SORCS3: variants seen among roughly 807,000 people sequenced by gnomAD.
SORCS3 encodes sortilin related VPS10 domain containing receptor 3.
SORCS3 carries 57 observed loss-of-function variants against 146.3 expected under a neutral mutation model. The observed-to-expected ratio is 0.39, with a 90% CI of 0.31 to 0.49. The LOEUF is 0.49. Among genes scored for constraint, SORCS3 ranks in the 20% least tolerant of loss-of-function variants. The pLI is 0.92. For missense variants in SORCS3, 1,341 were observed against 1,575.5 expected (o/e 0.85, Z 2.52); for synonymous variants, 653 against 618.5 (o/e 1.06, Z -0.83).
In SORCS3 at chr10:105,238,234, T is replaced by C. The variant is rs543807836; in HGVS notation, c.2869-7308T>C. On this transcript the variant is annotated intron_variant, in intron 20 of 26. Transcript: ENST00000369701. ...ATCTTTTTTAAGAGCCTGTCGTTTG[T>C]GCTACATGTTGTGTGGAATGCAAAG... 3.3e-5 allele frequency among the ~76,000 whole-genome samples: 5 copies of C among 152,350 alleles called. No individual in the cohort carries two copies. The South Asian group carries it at 8.3e-4, about 25-fold the overall frequency.
intron 4 of SORCS3, among the ~76,000 whole-genome samples, chr10:105,018,521 A>C (rs986715142): frequency 6.6e-6 from 1 of 152,250 alleles, no homozygotes; most frequent in Non-Finnish European, 1.5e-5. Context: ...AAGTTGGCAT[A>C]GGGCAGGAAA....
intron 1 of SORCS3, among the ~76,000 whole-genome samples, chr10:104,717,386 T>C (rs1337991853): frequency 1.3e-5 from 2 of 151,296 alleles, no homozygotes; most frequent in Admixed American, 6.6e-5. Flanking sequence ...CTCCTTCAGG[T>C]TTCCTTCTGT....
At chr10:105,157,723 T>A (rs1288858899) in intron 10 of SORCS3, among the ~76,000 whole-genome samples, 1 of 152,176 alleles carries the variant, frequency 6.6e-6, no homozygotes, top group East Asian at 1.9e-4. Context: ...AGTTAATCTA[T>A]CAGCATTTCC....
chr10:105,157,183 G>A lies in SORCS3; in HGVS notation c.1528G>A (p.Asp510Asn), dbSNP rs62620040. 1.9e-3 allele frequency: 3,008 copies of A among 1,613,976 alleles called. 63 individuals carry two copies. The African/African-American group carries it at 0.035, about 19-fold the overall frequency. The change falls in exon 10 of 27, where the codon GAC (aspartate) becomes AAC (asparagine). Residue 510 changes from aspartate to asparagine, a missense_variant. Transcript: ENST00000369701. ...GIFLANKKVD[D>N]QVKTYITYNK... Reference sequence around the variant, plus strand: ...ATTTCTGGCAAACAAGAAGGTGGACGACCAGGTGAAGACATACATCACTTA... The same window carrying A: ...ATTTCTGGCAAACAAGAAGGTGGACAACCAGGTGAAGACATACATCACTTA...
chr10:104,783,103 G>C (rs2017393186), intron 1 of SORCS3, among the ~76,000 whole-genome samples: 1 of 152,118 alleles, frequency 6.6e-6, no homozygotes, highest in Admixed American at 6.5e-5. Context: ...AATTCACTTT[G>C]CGTGGAATGA....
chr10:105,027,203 C>A (rs1192217255), intron 4 of SORCS3, among the ~76,000 whole-genome samples: 3 of 152,132 alleles, frequency 2.0e-5, no homozygotes, highest in African/African-American at 7.2e-5. Flanking sequence ...ACATCACCTG[C>A]CCTTTCATTT....
At chr10:105,042,808 A>G (rs1379918930) in intron 4 of SORCS3, among the ~76,000 whole-genome samples, 1 of 152,184 alleles carries the variant, frequency 6.6e-6, no homozygotes, top group Non-Finnish European at 1.5e-5. Flanking sequence ...GGAGACAGTG[A>G]TGGCCATCAG....
In SORCS3 at chr10:105,264,440, C is replaced by G. The variant is rs1426736837; in HGVS notation, c.*1066C>G. The G allele has an allele frequency of 6.6e-6, 1 of 152,196 alleles. No homozygotes were observed. Among genetic ancestry groups the G allele is most frequent in the Non-Finnish European group, 1.5e-5 (1 of 68,034 alleles). The allele number at this position is 152,196 out of a possible 1,614,324, so 9.4% of individuals were successfully genotyped here. On this transcript the variant is annotated 3_prime_UTR_variant, in exon 27 of 27. Coordinates refer to ENST00000369701, the MANE Select transcript of SORCS3 (RefSeq NM_014978.3). ...AAATGCATAATGCTTATGGTGAATT[C>G]TCAGGCTATTCTGAGCTCAGAAAAG...
chr10:104,660,079 C>A (rs1426292610), intron 1 of SORCS3, among the ~76,000 whole-genome samples: 1 of 152,056 alleles, frequency 6.6e-6, no homozygotes, highest in Non-Finnish European at 1.5e-5. Context: ...CAGCTCCAGC[C>A]CGATTTAAAT....
intron 2 of SORCS3, among the ~76,000 whole-genome samples, chr10:104,846,747 T>C (rs10786825): frequency 0.62 from 93,831 of 152,146 alleles, 32,128 homozygotes; most frequent in East Asian, 0.84. Context: ...TGTAAATTTG[T>C]CGTTTAGCAC....
At chr10:105,143,768 T>A (rs2056111641) in intron 8 of SORCS3, among the ~76,000 whole-genome samples, 1 of 152,186 alleles carries the variant, frequency 6.6e-6, no homozygotes, top group African/African-American at 2.4e-5. Context: ...GTTTCATAAA[T>A]CACGTTATCT....
intron 2 of SORCS3, among the ~76,000 whole-genome samples, chr10:104,894,832 G>A (rs2018783291): frequency 6.6e-6 from 1 of 152,130 alleles, no homozygotes; most frequent in Non-Finnish European, 1.5e-5. Flanking sequence ...AATGATGATG[G>A]GAGAAGTGAC....
intron 1 of SORCS3, among the ~76,000 whole-genome samples, chr10:104,778,375 C>T (rs1428423396): frequency 6.6e-6 from 1 of 152,170 alleles, no homozygotes; most frequent in Non-Finnish European, 1.5e-5. Context: ...GATTCAGGTG[C>T]AGTGTTGGTT....
At chr10:105,054,561 A>T (rs2055433853) in intron 5 of SORCS3, among the ~76,000 whole-genome samples, 1 of 151,544 alleles carries the variant, frequency 6.6e-6, no homozygotes, top group South Asian at 2.1e-4. Flanking sequence ...TTTAAGATTT[A>T]TAGGATTTCT....
At chr10:104,955,765 G>A (rs1029506791) in intron 3 of SORCS3, among the ~76,000 whole-genome samples, 3 of 152,150 alleles carry the variant, frequency 2.0e-5, no homozygotes, top group Non-Finnish European at 2.9e-5. Context: ...TGACCTGGGG[G>A]CTTCTTCTGG....
intron 7 of SORCS3, among the ~76,000 whole-genome samples, chr10:105,139,123 G>A (rs1335420403): frequency 6.6e-6 from 1 of 152,248 alleles, no homozygotes; most frequent in Non-Finnish European, 1.5e-5. Context: ...TATGTGCCAT[G>A]TGCAGAGCAC....
At chr10:104,731,251 A>G (rs2016703862) in intron 1 of SORCS3, among the ~76,000 whole-genome samples, 2 of 152,190 alleles carry the variant, frequency 1.3e-5, no homozygotes, top group African/African-American at 2.4e-5. Flanking sequence ...TATGCTCCAG[A>G]CAGCTACTTC....
intron 1 of SORCS3, among the ~76,000 whole-genome samples, chr10:104,794,678 A>G (rs909092802): frequency 7.2e-5 from 11 of 151,834 alleles, no homozygotes; most frequent in Non-Finnish European, 1.3e-4. Context: ...CCAGCATAGT[A>G]GAAAAGGAAG....
chr10:105,032,051 G>T (rs1049364741), intron 4 of SORCS3, among the ~76,000 whole-genome samples: 3 of 152,140 alleles, frequency 2.0e-5, no homozygotes, highest in Admixed American at 1.3e-4. Context: ...AATGAGCCAG[G>T]TGTGGTAGCA....
Sources: allele counts gnomAD v4.1 joint callset (sites outside exome capture counted in the v4.1 genomes callset), GRCh38; gene constraint gnomAD v4.1.1; transcripts MANE v1.5; gene names NCBI Gene and HGNC (gene_info 2026-07-23, HGNC 2026-07-21).